Variants in NRXN3 observed in about 807,000 individuals in gnomAD.
NRXN3 encodes the protein neurexin 3.
In NRXN3, 32 loss-of-function variants were observed where a neutral mutation model predicts 137.6. The observed-to-expected ratio is 0.23, with a 90% CI of 0.18 to 0.31. The LOEUF (loss-of-function observed/expected upper bound fraction) is 0.31. NRXN3 is among the 10% of genes least tolerant of loss of function. The pLI, the probability that NRXN3 is intolerant of heterozygous loss-of-function variation, is 1.00. For missense variants in NRXN3, 1,574 were observed against 2,062.5 expected (o/e 0.76, Z 4.59); for synonymous variants, 798 against 784.5 (o/e 1.02, Z -0.29).
chr14:79,775,609 G>A (rs2099094533), intron 19 of NRXN3, among the ~76,000 whole-genome samples: 1 of 151,206 alleles, frequency 6.6e-6, no homozygotes, highest in Non-Finnish European at 1.5e-5. Flanking sequence ...GTAAGCCAAG[G>A]TTACAATCTG....
chr14:79,293,090 A>G (rs1378722628), intron 15 of NRXN3, among the ~76,000 whole-genome samples: 2 of 152,188 alleles, frequency 1.3e-5, no homozygotes, highest in East Asian at 3.9e-4. Flanking sequence ...TTTCCATGCC[A>G]GGGAGCCATT....
At chr14:78,337,636 A>G (rs2081627044) in intron 4 of NRXN3, among the ~76,000 whole-genome samples, 1 of 152,070 alleles carries the variant, frequency 6.6e-6, no homozygotes, top group African/African-American at 2.4e-5. Flanking sequence ...AGGCTGTCTC[A>G]CCCTGTGTGT....
chr14:78,544,398 A>G (rs2096619297), intron 4 of NRXN3, among the ~76,000 whole-genome samples: 1 of 152,122 alleles, frequency 6.6e-6, no homozygotes, highest in Non-Finnish European at 1.5e-5. Context: ...CCCACAGTGA[A>G]AAGTAGCACC....
At chr14:78,211,138 A>G (rs1046119224) in intron 1 of NRXN3, among the ~76,000 whole-genome samples, 4 of 152,122 alleles carry the variant, frequency 2.6e-5, no homozygotes, top group African/African-American at 9.7e-5. Context: ...TATTACTTCC[A>G]TTTTGCAAAT....
chr14:78,500,089 T>G (rs73320499), intron 4 of NRXN3, among the ~76,000 whole-genome samples: 3,297 of 152,204 alleles, frequency 0.022, 111 homozygotes, highest in African/African-American at 0.072. Context: ...GCCTGACCTG[T>G]GGGTTGTCTT....
At chr14:78,448,646 G>T (rs934724891) in intron 4 of NRXN3, among the ~76,000 whole-genome samples, 1 of 152,156 alleles carries the variant, frequency 6.6e-6, no homozygotes, top group Non-Finnish European at 1.5e-5. Context: ...GCAATATTCA[G>T]GTCTGCCAGA....
chr14:79,516,916 G>T (rs1402552534), intron 16 of NRXN3, among the ~76,000 whole-genome samples: 1 of 152,056 alleles, frequency 6.6e-6, no homozygotes, highest in Non-Finnish European at 1.5e-5. Flanking sequence ...ACTGTTTGCA[G>T]TTACAAATAA....
chr14:79,308,637 T>TA (rs1227058260), intron 15 of NRXN3, among the ~76,000 whole-genome samples: 4 of 152,118 alleles, frequency 2.6e-5, no homozygotes, highest in African/African-American at 9.7e-5. Context: ...GGCTGCCCTG[T>TA]AGATATTCCA....
At chr14:78,752,385 C>A (rs1295678177) in intron 8 of NRXN3, among the ~76,000 whole-genome samples, 1 of 152,198 alleles carries the variant, frequency 6.6e-6, no homozygotes, top group Non-Finnish European at 1.5e-5. Flanking sequence ...CACTGCCCAC[C>A]AGCCTGAGCA....
At chr14:78,841,221 G>A (rs1488922114) in intron 10 of NRXN3, among the ~76,000 whole-genome samples, 1 of 152,130 alleles carries the variant, frequency 6.6e-6, no homozygotes, top group Non-Finnish European at 1.5e-5. Context: ...GAATTATTAA[G>A]AAGTGTCTCT....
At chr14:79,133,963 A>G (rs1198041880) in intron 15 of NRXN3, among the ~76,000 whole-genome samples, 2 of 151,840 alleles carry the variant, frequency 1.3e-5, no homozygotes, top group Admixed American at 6.6e-5. Flanking sequence ...GAAAGAAAAA[A>G]GAAACTGAAC....
intron 19 of NRXN3, among the ~76,000 whole-genome samples, chr14:79,761,957 A>G (rs934151601): frequency 2.0e-5 from 3 of 151,634 alleles, no homozygotes; most frequent in Non-Finnish European, 4.4e-5. Flanking sequence ...CCCTGCACTC[A>G]GCATAAGCAT....
At chr14:78,968,670 G>A (rs967994439) in intron 14 of NRXN3, among the ~76,000 whole-genome samples, 1 of 152,208 alleles carries the variant, frequency 6.6e-6, no homozygotes, top group African/African-American at 2.4e-5. Flanking sequence ...GGCTGAAACA[G>A]CACTGGAGAC....
intron 15 of NRXN3, among the ~76,000 whole-genome samples, chr14:79,314,851 G>T (rs940275030): frequency 6.7e-6 from 1 of 150,138 alleles, no homozygotes; most frequent in African/African-American, 2.5e-5. Flanking sequence ...TGCAGCTGAG[G>T]GTCCTGTCTG....
At chr14:78,202,481 T>G (rs1324972058) in intron 1 of NRXN3, among the ~76,000 whole-genome samples, 1 of 152,126 alleles carries the variant, frequency 6.6e-6, no homozygotes, top group Non-Finnish European at 1.5e-5. Context: ...TCCCTGAAGG[T>G]CACCTGTCAG....
chr14:79,101,384 A>G (rs1171830712), intron 15 of NRXN3, among the ~76,000 whole-genome samples: 3 of 152,208 alleles, frequency 2.0e-5, no homozygotes, highest in Non-Finnish European at 2.9e-5. Flanking sequence ...CAGGAAATTT[A>G]GCAATTTCCT....
chr14:79,097,697 T>C (rs566465059), intron 15 of NRXN3, among the ~76,000 whole-genome samples: 36 of 152,258 alleles, frequency 2.4e-4, no homozygotes, highest in Admixed American at 3.9e-4. Flanking sequence ...TACCCCTATA[T>C]ACAATTATTT....
At chr14:79,141,821 A>G (rs1366891856) in intron 15 of NRXN3, among the ~76,000 whole-genome samples, 1 of 152,152 alleles carries the variant, frequency 6.6e-6, no homozygotes, top group Non-Finnish European at 1.5e-5. Context: ...TGACAGCTGA[A>G]CTGTGGTTCT....
chr14:78,645,569 A>G, intron 5 of NRXN3, 148 bp downstream of exon 5: 1 of 545,002 alleles, frequency 1.8e-6, no homozygotes, highest in Non-Finnish European at 3.0e-6. Context: ...AGTCTTTGCA[A>G]TTTCACGTGG....
Sources: gnomAD v4.1 joint callset for allele counts (sites outside exome capture counted in the v4.1 genomes callset) on GRCh38, gnomAD v4.1.1 for gene constraint, MANE v1.5 for transcripts, NCBI Gene and HGNC (gene_info 2026-07-23, HGNC 2026-07-21) for gene names.